The following FNDC3A variants were observed in gnomAD, a reference collection of about 807,000 sequenced individuals.
The protein encoded by FNDC3A is fibronectin type III domain containing 3A.
A neutral mutation model predicts 148.9 loss-of-function variants in FNDC3A; 32 were observed. That is an observed-to-expected ratio of 0.21 (90% CI 0.16 to 0.29). The LOEUF is 0.29. Among genes scored for constraint, FNDC3A ranks in the 10% least tolerant of loss-of-function variants. The probability of loss-of-function intolerance (pLI) is 1.00; values close to 1 mark genes in which losing one functional copy is unlikely to be tolerated. For synonymous variants in FNDC3A, 472 were observed against 473.6 expected (o/e 1.00, Z 0.04); for missense variants, 1,191 against 1,452.8 (o/e 0.82, Z 2.93).
intron 10 of FNDC3A, among the ~76,000 whole-genome samples, chr13:49,171,654 T>C (rs1017506793): frequency 2.0e-5 from 3 of 152,200 alleles, no homozygotes; most frequent in African/African-American, 7.2e-5. Context: ...CTTCACTCTT[T>C]GGTATTTTAT....
At chr13:49,073,673 A>ACACG (rs1491545839) in intron 2 of FNDC3A, among the ~76,000 whole-genome samples, 12 of 147,548 alleles carry the variant, frequency 8.1e-5, no homozygotes, top group Admixed American at 3.4e-4. Context: ...ATATATATAT[A>ACACG]CACACATATA....
chr13:49,042,496 CT>C (rs1875013743), intron 2 of FNDC3A, among the ~76,000 whole-genome samples: 1 of 152,098 alleles, frequency 6.6e-6, no homozygotes, highest in Non-Finnish European at 1.5e-5. Flanking sequence ...TAATTTTCAG[CT>C]GGGTACAGTG....
chr13:49,113,025 C>A (rs930773737), intron 3 of FNDC3A, among the ~76,000 whole-genome samples: 1 of 151,834 alleles, frequency 6.6e-6, no homozygotes, highest in Non-Finnish European at 1.5e-5. Context: ...TCCCTACTTT[C>A]TCTTCCCCTC....
intron 2 of FNDC3A, among the ~76,000 whole-genome samples, chr13:49,066,732 A>C (rs1185489636): frequency 2.0e-5 from 3 of 151,718 alleles, no homozygotes; most frequent in Admixed American, 6.6e-5. Flanking sequence ...TCTGGGATAC[A>C]TGTGCAGAAC....
Position 49,168,673 on chromosome 13 carries a change from C to G in FNDC3A, c.1098C>G (p.Thr366=), listed in dbSNP as rs939536136. ...CTTCAGAGGCTGAAATCTTTACCAC[C>G]TTGAGCTGTGAACCTGATATACCTA... The part of the protein sequence containing the change: ...GTPSEAEIFT[T]LSCEPDIPNP... Residue 366 remains threonine (T), a synonymous_variant, in exon 10 of 26, where the codon ACC becomes ACG. Transcript: ENST00000492622. 3.1e-6 allele frequency: 5 copies of G among 1,612,338 alleles called. No homozygotes were observed. Among genetic ancestry groups the G allele is most frequent in the Non-Finnish European group, 4.2e-6 (5 of 1,178,540 alleles).
At chr13:49,054,860 G>T (rs1876110852) in intron 2 of FNDC3A, among the ~76,000 whole-genome samples, 1 of 151,888 alleles carries the variant, frequency 6.6e-6, no homozygotes, top group Admixed American at 6.6e-5. Context: ...ATTTATATTT[G>T]GATTTATTTC....
chr13:49,001,590 A>G (rs1952126830), intron 1 of FNDC3A, among the ~76,000 whole-genome samples: 1 of 152,168 alleles, frequency 6.6e-6, no homozygotes, highest in African/African-American at 2.4e-5. Context: ...CCTGAGAAAG[A>G]GAATGCATCC....
chr13:49,099,985 TTTTA>T (rs1330102045), intron 3 of FNDC3A, among the ~76,000 whole-genome samples: 1 of 152,130 alleles, frequency 6.6e-6, no homozygotes, highest in Non-Finnish European at 1.5e-5. Flanking sequence ...TTGTAAGCAA[TTTTA>T]TTTTAAAAAT....
At chr13:49,159,467 T>C (rs562278713) in intron 8 of FNDC3A, among the ~76,000 whole-genome samples, 1 of 152,380 alleles carries the variant, frequency 6.6e-6, no homozygotes, top group East Asian at 1.9e-4. Context: ...CACATTGATG[T>C]TGTATCCTGA....
intron 2 of FNDC3A, among the ~76,000 whole-genome samples, chr13:49,011,443 A>G (rs1302835466): frequency 6.6e-6 from 1 of 152,154 alleles, no homozygotes; most frequent in African/African-American, 2.4e-5. Flanking sequence ...CATGTTGGCC[A>G]AGCTGATCTC....
chr13:49,147,156 G>A (rs574910052), intron 8 of FNDC3A, among the ~76,000 whole-genome samples: 3 of 152,290 alleles, frequency 2.0e-5, no homozygotes, highest in East Asian at 3.9e-4. Flanking sequence ...AACCTAAGGG[G>A]TAAGTAGGGG....
chr13:49,188,984 ATG>A lies in FNDC3A; in HGVS notation c.1944+358_1944+359del, dbSNP rs538428840. Among the ~76,000 whole-genome samples the A allele has an allele frequency of 2.9e-4, 44 of 152,332 alleles. No homozygotes were observed. In the South Asian group the frequency reaches 9.1e-3, roughly 32 times the overall value. On this transcript the variant is annotated intron_variant, in intron 17 of 25. Coordinates refer to ENST00000492622, the MANE Select transcript of FNDC3A (RefSeq NM_001079673.2). ...AGACCGATTTACTGCTCCATAAATT[ATG>A]TGTGTGAGGACACATCATAAAATAG...
At position 49,136,474 on chromosome 13, in the gene FNDC3A, C is replaced by T; in HGVS notation, c.633C>T (p.Cys211=). 1.2e-6 allele frequency: 2 copies of T among 1,614,058 alleles called. No homozygotes were observed. Among genetic ancestry groups the T allele is most frequent in the Non-Finnish European group, 1.7e-6 (2 of 1,180,004 alleles). Residue 211 remains cysteine, a synonymous_variant, in exon 6 of 26, where the codon TGC becomes TGT. Coordinates refer to ENST00000492622, the MANE Select transcript of FNDC3A (RefSeq NM_001079673.2). ...MSSPPSSPQK[C]PSPINEHNGL... is the part of the protein sequence containing the mutation. ...GTCCACCATCATCACCCCAGAAATG[C>T]CCTTCTCCCATTAATGAACATAATG...
intron 3 of FNDC3A, 33 bp from the exon 4 acceptor site, chr13:49,114,622 T>A (rs1453102477): frequency 6.9e-7 from 1 of 1,459,416 alleles, no homozygotes; most frequent in Non-Finnish European, 9.6e-7. Context: ...TAAGCAATCA[T>A]GGGTTAATAC....
At chr13:49,111,619 G>C (rs566962815) in intron 3 of FNDC3A, among the ~76,000 whole-genome samples, 107 of 151,902 alleles carry the variant, frequency 7.0e-4, no homozygotes, top group African/African-American at 2.2e-3. Flanking sequence ...CCAGCTACTC[G>C]GGAGGCTGAA....
At chr13:49,096,030 G>A (rs974725520) in intron 3 of FNDC3A, among the ~76,000 whole-genome samples, 6 of 152,040 alleles carry the variant, frequency 3.9e-5, no homozygotes, top group South Asian at 4.2e-4. Flanking sequence ...ACTTATCTAG[G>A]ATTCATTCTC....
intron 1 of FNDC3A, among the ~76,000 whole-genome samples, chr13:48,985,484 TG>T: frequency 6.6e-6 from 1 of 152,310 alleles, no homozygotes; most frequent in African/African-American, 2.4e-5. Flanking sequence ...GATGGGAAAC[TG>T]GAAGTAATAA....
Position 49,203,158 on chromosome 13 carries a change from C to G in FNDC3A, c.3156C>G (p.Ala1052=). Residue 1052 remains alanine (A), a splice_region_variant and synonymous_variant, in exon 25 of 26, where the codon GCC becomes GCG. Transcript: ENST00000492622. ...TPKSVPAALK[A]PKIEKVNDHI... ...ATTATTTATATTTGTTTCCTACAGC[C>G]CCCAAAATAGAGAAAGTAAATGATC... 4 of 1,594,562 alleles carry G rather than the reference C, an allele frequency of 2.5e-6. No individual in the cohort carries two copies. The highest frequency in any genetic ancestry group is 2.7e-5 in the African/African-American group (2 of 74,386).
intron 3 of FNDC3A, among the ~76,000 whole-genome samples, chr13:49,114,200 C>T (rs1353401423): frequency 6.6e-6 from 1 of 151,794 alleles, no homozygotes; most frequent in Non-Finnish European, 1.5e-5. Context: ...TTATTTTGTC[C>T]CTGTAACTTT....
Sources: gnomAD v4.1 joint callset for allele counts (sites outside exome capture counted in the v4.1 genomes callset) on GRCh38, gnomAD v4.1.1 for gene constraint, MANE v1.5 for transcripts, NCBI Gene and HGNC (gene_info 2026-07-23, HGNC 2026-07-21) for gene names.